The following THBS4 variants were observed in gnomAD, a reference collection of about 807,000 sequenced individuals.
THBS4 encodes thrombospondin-4.
THBS4 carries 90 observed loss-of-function variants against 115.7 expected under a neutral mutation model. The ratio of observed to expected loss-of-function variants is 0.78; its 90% CI spans 0.66 to 0.93. THBS4 has a LOEUF of 0.93. Ranked by LOEUF, THBS4 falls within the 40% of genes least tolerant of loss-of-function variation. The pLI is 0.00. For missense variants in THBS4, 1,087 were observed against 1,232.7 expected (o/e 0.88, Z 1.77); for synonymous variants, 460 against 479.3 (o/e 0.96, Z 0.53).
chr5:80,034,503 A>G (rs1561300685), upstream of THBS4, among the ~76,000 whole-genome samples: 1 of 152,206 alleles, frequency 6.6e-6, no homozygotes, highest in Non-Finnish European at 1.5e-5. Context: ...GTTAATCCAT[A>G]TCATTCCGGG....
At chr5:80,071,491 CCTCA>C (rs1311863362) in intron 13 of THBS4, among the ~76,000 whole-genome samples, 1 of 152,136 alleles carries the variant, frequency 6.6e-6, no homozygotes, top group Non-Finnish European at 1.5e-5. Context: ...TTCTACCTGT[CCTCA>C]CTCTCCACTA....
At chr5:80,076,695 A>C (rs1743232994) in intron 15 of THBS4, among the ~76,000 whole-genome samples, 160 bp from the exon 16 acceptor site, 1 of 152,194 alleles carries the variant, frequency 6.6e-6, no homozygotes, top group African/African-American at 2.4e-5. Context: ...TCTGAGGCCC[A>C]TAGGGCAGCC....
At chr5:80,017,097 A>G (rs1192003649) in intron 2 of THBS4, among the ~76,000 whole-genome samples, 2 of 152,222 alleles carry the variant, frequency 1.3e-5, no homozygotes, top group Admixed American at 6.5e-5. Flanking sequence ...GAGGAATTAG[A>G]ATTACAAAGA....
intron 2 of THBS4, among the ~76,000 whole-genome samples, chr5:80,027,823 G>A (rs1355639986): frequency 2.0e-5 from 3 of 148,086 alleles, no homozygotes; most frequent in Middle Eastern, 3.2e-3. Context: ...GAGGCCAGGA[G>A]GTTGAGGCTG....
chr5:80,068,568 T>G lies in THBS4; in HGVS notation c.1347+443T>G, dbSNP rs1164941427. The stretch of plus-strand genomic sequence containing the variant: ...TACAACTTCCAGAGTCTGTCTGCCT[T>G]GACGCTCCTGTTGGGGGTGGGCCAT... On this transcript the variant is annotated intron_variant, in intron 10 of 21. Coordinates refer to ENST00000350881, the MANE Select transcript of THBS4 (RefSeq NM_003248.6). 9 of 172,594 alleles carry G rather than the reference T, an allele frequency of 5.2e-5. 1 individual carries two copies. The highest frequency in any genetic ancestry group is 2.2e-4 in the African/African-American group (9 of 41,812). The allele number at this position is 172,594 out of a possible 1,614,324, so 10.7% of individuals were successfully genotyped here. A position where few individuals can be genotyped will look rare whatever the true frequency, so the allele number is the denominator to read the frequency against.
intron 17 of THBS4, among the ~76,000 whole-genome samples, 193 bp downstream of exon 17, chr5:80,078,420 C>T (rs1015338059): frequency 6.6e-6 from 1 of 152,182 alleles, no homozygotes; most frequent in Non-Finnish European, 1.5e-5. Context: ...TCTGCTACAG[C>T]TTTCATGATT....
chr5:80,053,766 T>A (rs1438736), intron 2 of THBS4, among the ~76,000 whole-genome samples: 82,483 of 151,996 alleles, frequency 0.54, 22,709 homozygotes, highest in African/African-American at 0.63. Flanking sequence ...GGGTTTCACC[T>A]TATTGGTCAG....
Position 80,070,430 on chromosome 5 carries a change from A to G in THBS4, c.1452+20A>G. On this transcript the variant is annotated intron_variant, in intron 11 of 21. Transcript: ENST00000350881. The stretch of plus-strand genomic sequence containing the variant: ...AAAAAGGTAAGGGGTGTGGGGTGGC[A>G]GTAGGCACACATGCACTGTGGCTTT... 1 of 1,605,516 alleles carries G rather than the reference A, an allele frequency of 6.2e-7. No individual in the cohort carries two copies.
intron 1 of THBS4, among the ~76,000 whole-genome samples, chr5:79,993,936 G>A (rs1421197403): frequency 1.3e-5 from 2 of 152,184 alleles, no homozygotes; most frequent in Non-Finnish European, 2.9e-5. Flanking sequence ...TTAAGGAGGG[G>A]AAAGAACAAA....
chr5:80,081,829 G>C (rs115138010), intron 20 of THBS4, among the ~76,000 whole-genome samples: 1 of 152,084 alleles, frequency 6.6e-6, no homozygotes, highest in African/African-American at 2.4e-5. Context: ...GATTGTTCTC[G>C]CCAGGGCATT....
upstream of THBS4, among the ~76,000 whole-genome samples, chr5:80,034,253 T>C (rs572963954): frequency 6.6e-6 from 1 of 152,334 alleles, no homozygotes; most frequent in African/African-American, 2.4e-5. Context: ...GCTCTGCAGA[T>C]AGCTCACAAA....
At chr5:80,058,168 G>A in intron 3 of THBS4, 38 bp from the exon 4 acceptor site, 1 of 1,504,830 alleles carries the variant, frequency 6.6e-7, no homozygotes, top group Non-Finnish European at 9.1e-7. Flanking sequence ...CTTTTGAACA[G>A]TGTCAGCAAT....
Position 80,072,367 on chromosome 5 carries a change from A to C in THBS4, c.1810A>C (p.Ser604Arg). 1 of 1,614,200 alleles carries C rather than the reference A, an allele frequency of 6.2e-7. No homozygotes were observed. The highest frequency in any genetic ancestry group is 2.2e-5 in the East Asian group (1 of 44,884). Residue 604 changes from serine (S) to arginine (R), a missense_variant, in exon 14 of 22, where the codon AGT becomes CGT. Ser to Arg is a moderately radical substitution (Grantham distance 110). This residue lies in a region of THBS4 where 979 missense variants were observed against 1,103.7 expected (regional missense o/e 0.89). Transcript: ENST00000350881. ...DGDGVGDACD[S>R]CPDVSNPNQS... is the part of the protein sequence containing the mutation. The stretch of plus-strand genomic sequence containing the variant: ...TGATGGTGTGGGGGATGCCTGTGAC[A>C]GTTGTCCTGATGTCAGCAACCCTAA...
At chr5:80,032,359 T>G (rs1313417396), upstream of THBS4, among the ~76,000 whole-genome samples, 1 of 152,244 alleles carries the variant, frequency 6.6e-6, no homozygotes, top group Non-Finnish European at 1.5e-5. Flanking sequence ...TTACACTTAG[T>G]AGTCAACCAA....
chr5:79,992,567 CT>C (rs1831705058), intron 1 of THBS4, among the ~76,000 whole-genome samples: 1 of 152,206 alleles, frequency 6.6e-6, no homozygotes, highest in South Asian at 2.1e-4. Flanking sequence ...TTAATAATAA[CT>C]GTATAATTGG....
Position 80,061,790 on chromosome 5 carries a change from G to T in THBS4, c.1083G>T (p.Met361Ile). 6.2e-7 allele frequency: 1 copy of T among 1,613,898 alleles called. No individual in the cohort carries two copies. The highest frequency in any genetic ancestry group is 8.5e-7 in the Non-Finnish European group (1 of 1,179,968). ...GCCCAGTGGGCTTCACAGGGCCCAT[G>T]GTGCAGGGTGTTGGGATCAGTTTTG... ...DACPVGFTGPMVQGVGISFAK... is the reference protein window; with the variant it reads ...DACPVGFTGPIVQGVGISFAK... The change falls in exon 8 of 22, where the codon ATG becomes ATT. Residue 361 changes from methionine (M) to isoleucine (I), a missense_variant. Transcript: ENST00000350881.
At chr5:80,000,004 C>T (rs577148102) in intron 2 of THBS4, among the ~76,000 whole-genome samples, 3 of 152,228 alleles carry the variant, frequency 2.0e-5, no homozygotes, top group South Asian at 4.2e-4. Context: ...GTCTTGCTTC[C>T]CCTATTCATC....
chr5:80,009,415 G>T (rs927101155), intron 2 of THBS4, among the ~76,000 whole-genome samples: 5 of 152,166 alleles, frequency 3.3e-5, no homozygotes, highest in African/African-American at 1.2e-4. Flanking sequence ...GAAAACATAT[G>T]AATTTATTTT....
intron 15 of THBS4, 112 bp from the exon 16 acceptor site, chr5:80,076,743 G>A (rs1743235916): frequency 8.7e-7 from 1 of 1,151,146 alleles, no homozygotes; most frequent in East Asian, 2.7e-5. Flanking sequence ...TTGATTTTAA[G>A]AGCCAACCCT....
Sources: allele counts gnomAD v4.1 joint callset (sites outside exome capture counted in the v4.1 genomes callset), GRCh38; gene constraint gnomAD v4.1.1; regional missense constraint gnomAD v4.1.1; transcripts MANE v1.5; gene names NCBI Gene and HGNC (gene_info 2026-07-23, HGNC 2026-07-21).